Variants in PLCB2 observed in about 807,000 individuals in gnomAD.
PLCB2 encodes 1-phosphatidylinositol 4,5-bisphosphate phosphodiesterase beta-2.
Under a neutral mutation model 141.7 loss-of-function variants are expected in PLCB2, and 115 were observed. The ratio of observed to expected loss-of-function variants is 0.81; its 90% CI spans 0.70 to 0.95. The LOEUF is 0.95. Among genes scored for constraint, PLCB2 ranks in the 40% least tolerant of loss-of-function variants. PLCB2 has a pLI of 0.00. For synonymous variants in PLCB2, 603 were observed against 595.6 expected (o/e 1.01, Z -0.18); for missense variants, 1,403 against 1,541.1 (o/e 0.91, Z 1.50).
intron 7 of PLCB2, chr15:40,301,186 T>C (rs2141145887): frequency 5.1e-6 from 1 of 196,770 alleles, no homozygotes; most frequent in Non-Finnish European, 1.1e-5. Context: ...GGGATTCATG[T>C]GGGCAGGTGA....
In PLCB2 at chr15:40,297,466, C is replaced by G; in HGVS notation, c.1323+55G>C. On this transcript the variant is annotated intron_variant, in intron 13 of 31. Coordinates refer to ENST00000260402, the MANE Select transcript of PLCB2 (RefSeq NM_004573.3). This position sits in a 1 kb window ranked among gnomAD's most constrained non-coding sequence, Gnocchi z 4.2. ...CTCCCTCCCTAACCTGGTTCTCACC[C>G]TGCCCCAGGTTCCCAGGCCCAAGGC... The G allele has an allele frequency of 7.3e-7, 1 of 1,365,346 alleles. No individual in the cohort carries two copies. Among genetic ancestry groups the G allele is most frequent in the Non-Finnish European group, 1.0e-6 (1 of 952,784 alleles). 84.6% of individuals were successfully genotyped at this position (1,365,346 alleles called of 1,614,324 possible).
At chr15:40,284,357 T>C, downstream of PLCB2, 2 of 350,710 alleles carry the variant, frequency 5.7e-6, no homozygotes, top group Non-Finnish European at 1.1e-5. Flanking sequence ...TGCGAGACGT[T>C]CCACCTCTTA....
Position 40,298,909 on chromosome 15 carries a change from G to T in PLCB2, c.739C>A (p.Gln247Lys), listed in dbSNP as rs2040372560. Residue 247 changes from glutamine to lysine, a missense_variant, in exon 9 of 32, where the codon CAG becomes AAG. This residue lies in a region of PLCB2 where 975 missense variants were observed against 1,141.1 expected (regional missense o/e 0.85). Coordinates refer to ENST00000260402, the MANE Select transcript of PLCB2 (RefSeq NM_004573.3). The part of the protein sequence containing the change: ...TKEHLTKFIN[Q>K]KQRDSRLNSL... ...TTAAGCCGGGAGTCCCGCTGTTTCT[G>T]GTTGATGAATTTGGTCAGGTGCTCC... The T allele has an allele frequency of 6.2e-7, 1 of 1,610,202 alleles. No individual in the cohort carries two copies. Among genetic ancestry groups the T allele is most frequent in the East Asian group, 2.2e-5 (1 of 44,880 alleles).
In PLCB2 at chr15:40,297,718, G is replaced by A; in HGVS notation, c.1239-113C>T. 2 of 987,758 alleles carry A rather than the reference G, an allele frequency of 2.0e-6. No homozygotes were observed. The highest frequency in any genetic ancestry group is 4.3e-4 in the Middle Eastern group (2 of 4,700). 61.2% of individuals were successfully genotyped at this position (987,758 alleles called of 1,614,324 possible). The stretch of plus-strand genomic sequence containing the variant: ...GGGGCCAGGAGGTCAGGGAGGCTGG[G>A]ACTCGAGCAGGAGAACATGAGGCCT... On this transcript the variant is annotated intron_variant, in intron 12 of 31. Transcript: ENST00000260402. This position sits in a 1 kb window ranked among gnomAD's most constrained non-coding sequence, Gnocchi z 4.2.
downstream of PLCB2, among the ~76,000 whole-genome samples, chr15:40,286,548 G>A (rs1191734920): frequency 6.6e-6 from 1 of 152,166 alleles, no homozygotes; most frequent in East Asian, 1.9e-4. Context: ...GAAAGGGGTA[G>A]GGACCCTTCT....
rs1308724571 is a variant in PLCB2, at chr15:40,296,645, C to G, written c.1487-11G>C. The stretch of plus-strand genomic sequence containing the variant: ...CCTCGCCAGCCCACACTGCCACATA[C>G]AGCTCTGTCGGCACTGGCTCCTGCA... On this transcript the variant is annotated splice_polypyrimidine_tract_variant and intron_variant, in intron 14 of 31. Coordinates refer to ENST00000260402, the MANE Select transcript of PLCB2 (RefSeq NM_004573.3). 2 of 1,612,890 alleles carry G rather than the reference C, an allele frequency of 1.2e-6. No homozygotes were observed. Among genetic ancestry groups the G allele is most frequent in the Non-Finnish European group, 8.5e-7 (1 of 1,179,790 alleles).
chr15:40,300,272 G>A (rs1437053005), intron 7 of PLCB2, among the ~76,000 whole-genome samples: 8 of 152,258 alleles, frequency 5.3e-5, no homozygotes, highest in Non-Finnish European at 1.0e-4. Flanking sequence ...CTGAGATCAC[G>A]CCACTGCACT....
chr15:40,298,619 TGTC>T lies in PLCB2; in HGVS notation c.937_939del (p.Asp313del). 6.2e-7 allele frequency: 1 copy of T among 1,614,222 alleles called. No homozygotes were observed. The highest frequency in any genetic ancestry group is 8.5e-7 in the Non-Finnish European group (1 of 1,180,032). Reference sequence around the variant, plus strand: ...AAGTAATGATTGAGTGGCTGCGTCATGTCGTGGTGGAGCAGCAGCTTGTCCTGG... The same window carrying T: ...AAGTAATGATTGAGTGGCTGCGTCATGTGGTGGAGCAGCAGCTTGTCCTGG... On this transcript the variant is annotated inframe_deletion, in exon 10 of 32. Coordinates refer to ENST00000260402, the MANE Select transcript of PLCB2 (RefSeq NM_004573.3).
At chr15:40,300,781 C>T (rs61512112) in intron 7 of PLCB2, 1 of 151,810 alleles carries the variant, frequency 6.6e-6, no homozygotes, top group Non-Finnish European at 1.5e-5. Flanking sequence ...CTTCCCCCCC[C>T]AAAAAAAACA....
rs773749428 is a variant in PLCB2 at position 40,299,242 on chromosome 15, A to T, written c.583-14T>A. ...GATGGCGTCATTCTAGGGGCATAGT[A>T]ACCTTATTGCCCCTGCCCTCACCTT... On this transcript the variant is annotated splice_polypyrimidine_tract_variant and intron_variant, in intron 7 of 31. Transcript: ENST00000260402. 3 of 1,542,430 alleles carry T rather than the reference A, an allele frequency of 1.9e-6. No individual in the cohort carries two copies. The East Asian group carries it at 6.7e-5, about 35-fold the overall frequency.
In PLCB2 at chr15:40,291,646, G is replaced by A. The variant is rs774946032; in HGVS notation, c.2607C>T (p.Ala869=). Residue 869 remains alanine, a synonymous_variant, in exon 25 of 32, where the codon GCC becomes GCT. Coordinates refer to ENST00000260402, the MANE Select transcript of PLCB2 (RefSeq NM_004573.3). ...LAPTSNGSPA[A]RAGAREEAMK... ...TAGCCTCTTCCCTGGCCCCGGCCCT[G>A]GCTGCTGCAAGAGCCACGGGCTGGG... 23 of 1,613,018 alleles carry A rather than the reference G, an allele frequency of 1.4e-5. No individual in the cohort carries two copies. The South Asian group carries it at 2.4e-4, about 17-fold the overall frequency.
At chr15:40,304,367 G>A (rs2898991) in intron 1 of PLCB2, among the ~76,000 whole-genome samples, 92,569 of 151,728 alleles carry the variant, frequency 0.61, 28,621 homozygotes, top group East Asian at 0.79. Flanking sequence ...ACTCCCTACT[G>A]CCACCCAGGA....
intron 7 of PLCB2, 27 bp from the exon 8 acceptor site, chr15:40,299,255 C>G (rs771826371): frequency 6.8e-7 from 1 of 1,461,284 alleles, no homozygotes; most frequent in South Asian, 1.1e-5. Flanking sequence ...CTTATTGCCC[C>G]TGCCCTCACC....
rs2039720789 is a variant in PLCB2 at position 40,289,288 on chromosome 15, C to T, written c.3338G>A (p.Arg1113Gln). The T allele has an allele frequency of 3.1e-6, 5 of 1,613,712 alleles. No homozygotes were observed. Among genetic ancestry groups the T allele is most frequent in the Middle Eastern group, 1.6e-4 (1 of 6,084 alleles). The change falls in exon 31 of 32, where the codon CGG (arginine) becomes CAG (glutamine). Residue 1113 changes from arginine (R) to glutamine (Q), a missense_variant. This residue lies in a region of PLCB2 where 132 missense variants were observed against 132.4 expected (regional missense o/e 1.00). Transcript: ENST00000260402. ...EKQAACLEQI[R>Q]EMEKQFQKEA... ...ACCTGTTACCTGCTTTTCCATCTCCCGTATCTGTTCCAGGCAAGCCGCCTG... is the reference window on the plus strand; with the variant it reads ...ACCTGTTACCTGCTTTTCCATCTCCTGTATCTGTTCCAGGCAAGCCGCCTG...
chr15:40,290,685 A>G lies in PLCB2; in HGVS notation c.3114-13T>C. 1 of 1,612,908 alleles carries G rather than the reference A, an allele frequency of 6.2e-7. No individual in the cohort carries two copies. Among genetic ancestry groups the G allele is most frequent in the Non-Finnish European group, 8.5e-7 (1 of 1,179,030 alleles). ...CTCTTTGGTGTCGCTGCAGAGAGAC[A>G]GGCATGAAGGAGCTGTTTTGTGCGG... On this transcript the variant is annotated splice_polypyrimidine_tract_variant and intron_variant, in intron 28 of 31. Transcript: ENST00000260402.
At position 40,290,844 on chromosome 15, in the gene PLCB2, G is replaced by A; in HGVS notation, c.3037-7C>T. On this transcript the variant is annotated splice_polypyrimidine_tract_variant and splice_region_variant and intron_variant, in intron 27 of 31. Transcript: ENST00000260402. ...CCATCATTTTGGAGATTTGCTGCAG[G>A]GAGAGGAAGTAAGCTTGGCGAGAAG... is the stretch of plus-strand genomic sequence containing the variant. The A allele has an allele frequency of 6.2e-7, 1 of 1,612,268 alleles. No homozygotes were observed. The highest frequency in any genetic ancestry group is 8.5e-7 in the Non-Finnish European group (1 of 1,179,590).
chr15:40,294,793 A>G, intron 18 of PLCB2, 143 bp downstream of exon 18: 1 of 1,021,190 alleles, frequency 9.8e-7, no homozygotes, highest in Non-Finnish European at 1.4e-6. Flanking sequence ...TTCTACCCCC[A>G]AATTCTCACG....
Position 40,288,313 on chromosome 15 carries a change from G to A in PLCB2, c.*402C>T. On this transcript the variant is annotated 3_prime_UTR_variant, in exon 32 of 32. Transcript: ENST00000260402. Reference sequence around the variant, plus strand: ...GAAGCCTGGGGCAGGAGGGTTCGGGGCTAGAGTGGAGGTGAGTGGGTCCAA... The same window carrying A: ...GAAGCCTGGGGCAGGAGGGTTCGGGACTAGAGTGGAGGTGAGTGGGTCCAA... The A allele has an allele frequency of 3.0e-6, 3 of 997,134 alleles. No homozygotes were observed. Among genetic ancestry groups the A allele is most frequent in the South Asian group, 4.6e-5 (1 of 21,582 alleles). The allele number at this position is 997,134 out of a possible 1,614,324, so 61.8% of individuals were successfully genotyped here. A position where few individuals can be genotyped will look rare whatever the true frequency, so the allele number is the denominator to read the frequency against.
intron 18 of PLCB2, 52 bp downstream of exon 18, chr15:40,294,884 G>A (rs372156825): frequency 3.7e-6 from 6 of 1,611,202 alleles, no homozygotes; most frequent in East Asian, 2.2e-5. Flanking sequence ...ATGTAAAGGT[G>A]GGGGGCGCAG....
Sources: gnomAD v4.1 joint callset for allele counts (sites outside exome capture counted in the v4.1 genomes callset) on GRCh38, gnomAD v4.1.1 for gene constraint, gnomAD v4.1.1 regional missense constraint, Gnocchi (gnomAD v3.1) non-coding constraint, MANE v1.5 for transcripts, NCBI Gene and HGNC (gene_info 2026-07-23, HGNC 2026-07-21) for gene names.